Variants in SPNS2 observed in about 807,000 individuals in gnomAD.
SPNS2 encodes SPNS lysolipid transporter 2, sphingosine-1-phosphate, also known as sphingosine-1-phosphate transporter SPNS2.
Under a neutral mutation model 57.6 loss-of-function variants are expected in SPNS2, and 37 were observed. That is an observed-to-expected ratio of 0.64 (90% CI 0.49 to 0.85). The LOEUF (loss-of-function observed/expected upper bound fraction) is 0.85. Ranked by LOEUF, SPNS2 falls within the 40% of genes least tolerant of loss-of-function variation. The probability of loss-of-function intolerance (pLI) is 0.00; values close to 1 mark genes in which losing one functional copy is unlikely to be tolerated. For synonymous variants in SPNS2, 440 were observed against 346.9 expected (o/e 1.27, Z -2.98); for missense variants, 831 against 779.1 (o/e 1.07, Z -0.79).
chr17:4,499,348 C>CG lies in SPNS2; in HGVS notation c.307dup (p.Ala103GlyfsTer48). Reference sequence around the variant, plus strand: ...CAAACCGGCCAGCTTGGGCCGCGGGCGGGGGGCAGCCGCCGCCATCCTCAG... The same window carrying CG: ...CAAACCGGCCAGCTTGGGCCGCGGGCGGGGGGGCAGCCGCCGCCATCCTCAG... On this transcript the variant is annotated frameshift_variant, in exon 1 of 13. Transcript: ENST00000329078. LOFTEE classifies it high-confidence loss of function. This position sits in a 1 kb window ranked among gnomAD's most constrained non-coding sequence, Gnocchi z 5.2. 6 of 1,451,000 alleles carry CG rather than the reference C, an allele frequency of 4.1e-6. No individual in the cohort carries two copies. Among genetic ancestry groups the CG allele is most frequent in the Admixed American group, 2.7e-5 (1 of 36,920 alleles). 89.9% of individuals were successfully genotyped at this position (1,451,000 alleles called of 1,614,324 possible). A position where few individuals can be genotyped will look rare whatever the true frequency, so the allele number is the denominator to read the frequency against.
intron 2 of SPNS2, among the ~76,000 whole-genome samples, chr17:4,516,393 A>G (rs1904996907): frequency 6.6e-6 from 1 of 150,808 alleles, no homozygotes; most frequent in Non-Finnish European, 1.5e-5. Flanking sequence ...AGGAGCCCCC[A>G]TGGCCTACAC....
At chr17:4,515,386 G>A (rs1904958680) in intron 2 of SPNS2, among the ~76,000 whole-genome samples, 1 of 152,182 alleles carries the variant, frequency 6.6e-6, no homozygotes. Context: ...CTGGAATAGG[G>A]ACCTGGGCCT....
At chr17:4,527,494 G>C (rs952573282) in intron 3 of SPNS2, among the ~76,000 whole-genome samples, 25 of 152,176 alleles carry the variant, frequency 1.6e-4, no homozygotes, top group African/African-American at 2.4e-5. Flanking sequence ...CCCGATAGGG[G>C]AAAGTAAAGC....
At chr17:4,500,580 A>AAC (rs10616309) in intron 1 of SPNS2, among the ~76,000 whole-genome samples, 2 of 152,030 alleles carry the variant, frequency 1.3e-5, no homozygotes, top group East Asian at 3.9e-4. Context: ...GGAGCTATCA[A>AAC]ACACACACAC....
chr17:4,536,888 T>G lies in SPNS2; in HGVS notation c.1608-12T>G, dbSNP rs776134859. ...GATGCACCACCCTGACCCCCGCCCG[T>G]CTCTCCCCCAGGGTGAACCAGCTGG... On this transcript the variant is annotated splice_polypyrimidine_tract_variant and intron_variant, in intron 11 of 12. Transcript: ENST00000329078. 18 of 1,612,804 alleles carry G rather than the reference T, an allele frequency of 1.1e-5. No individual in the cohort carries two copies. Among genetic ancestry groups the G allele is most frequent in the Middle Eastern group, 1.7e-4 (1 of 5,776 alleles).
At position 4,533,799 on chromosome 17, in the gene SPNS2, C is replaced by T. The variant is rs762189672; in HGVS notation, c.1290C>T (p.Phe430=). ...SSIVGAYICI[F]VGETLLFSNW... ...CTTCTCCCCGGCAGATCTGTATCTT[C>T]GTCGGGGAGACGCTGCTGTTTTCTA... The change falls in exon 9 of 13, where the codon TTC becomes TTT. Residue 430 remains phenylalanine (F), a synonymous_variant. Coordinates refer to ENST00000329078, the MANE Select transcript of SPNS2 (RefSeq NM_001124758.3). 17 of 1,613,578 alleles carry T rather than the reference C, an allele frequency of 1.1e-5. No homozygotes were observed. The highest frequency in any genetic ancestry group is 1.7e-5 in the Admixed American group (1 of 60,000).
chr17:4,525,013 G>A (rs781624577), intron 2 of SPNS2, 44 bp from the exon 3 acceptor site: 1 of 1,599,644 alleles, frequency 6.3e-7, no homozygotes, highest in East Asian at 2.2e-5. Flanking sequence ...GGAGGCCGGG[G>A]CGCAGGGACC....
Position 4,537,624 on chromosome 17 carries a change from C to T in SPNS2, c.*176C>T, listed in dbSNP as rs777024220. ...CCTGGCATCAAGAAGAGGCTGTGTCCTCAGTTACCCTGGAAGGATGTGTGT... is the reference window on the plus strand; with the variant it reads ...CCTGGCATCAAGAAGAGGCTGTGTCTTCAGTTACCCTGGAAGGATGTGTGT... On this transcript the variant is annotated 3_prime_UTR_variant, in exon 13 of 13. Transcript: ENST00000329078. 2.2e-6 allele frequency: 1 copy of T among 456,778 alleles called. No homozygotes were observed. The highest frequency in any genetic ancestry group is 1.5e-5 in the South Asian group (1 of 64,578). 28.3% of individuals were successfully genotyped at this position (456,778 alleles called of 1,614,324 possible).
At position 4,512,855 on chromosome 17, in the gene SPNS2, C is replaced by T. The variant is rs550492309; in HGVS notation, c.371-392C>T. Among the ~76,000 whole-genome samples, 98 of 152,300 alleles carry T rather than the reference C, an allele frequency of 6.4e-4. No individual in the cohort carries two copies. Among genetic ancestry groups the T allele is most frequent in the Admixed American group, 1.3e-3 (20 of 15,306 alleles). ...GGCTCCCCGCAGCTTTCAGGGCCCC[C>T]GCTGCTCTCTGAGTCATGGGCTTTG... On this transcript the variant is annotated intron_variant, in intron 1 of 12. Transcript: ENST00000329078. The surrounding 1 kb of genome is among the most constrained non-coding windows in gnomAD (Gnocchi z 5.2).
chr17:4,502,272 C>G (rs1226919301), intron 1 of SPNS2, among the ~76,000 whole-genome samples: 1 of 151,534 alleles, frequency 6.6e-6, no homozygotes, highest in Non-Finnish European at 1.5e-5. Context: ...CCCAGCTACT[C>G]GGGAGGCTGA....
intron 1 of SPNS2, among the ~76,000 whole-genome samples, chr17:4,503,554 G>A (rs1428336582): frequency 6.6e-6 from 1 of 152,266 alleles, no homozygotes; most frequent in East Asian, 1.9e-4. Context: ...AGCTGAGGGT[G>A]TAGGTGGCAG....
In SPNS2 at chr17:4,536,419, G is replaced by T. The variant is rs562283566; in HGVS notation, c.1600G>T (p.Glu534Ter). 3 of 1,581,026 alleles carry T rather than the reference G, an allele frequency of 1.9e-6. No homozygotes were observed. The highest frequency in any genetic ancestry group is 2.6e-6 in the Non-Finnish European group (3 of 1,168,174). ...CTTCGTCAGCGACCGCGCCAGGGCT[G>T]AGCAGCAGTGAGTGGGGGGGAGGGG... Reference protein sequence around the residue: ...LFFVSDRARAEQQVNQLAMPP... With the variant: ...LFFVSDRARA The change falls in exon 11 of 13, where the codon GAG becomes TAG. Residue 534 changes from glutamate to a stop codon, truncating the protein, a stop_gained. Transcript: ENST00000329078. LOFTEE classifies it high-confidence loss of function.
intron 1 of SPNS2, among the ~76,000 whole-genome samples, chr17:4,501,469 G>C (rs764305332): frequency 6.6e-6 from 1 of 152,100 alleles, no homozygotes; most frequent in Non-Finnish European, 1.5e-5. Context: ...TAAGAGGGGC[G>C]TGGGGCAGTT....
chr17:4,534,112 TGGCTGGGA>T lies in SPNS2; in HGVS notation c.1344+266_1344+273del, dbSNP rs1183210939. Among the ~76,000 whole-genome samples, 7 of 152,186 alleles carry T rather than the reference TGGCTGGGA, an allele frequency of 4.6e-5. No homozygotes were observed. The East Asian group carries it at 1.4e-3, about 30-fold the overall frequency. ...GGGGGCATCTCGAGGCTCAGGTTAG[TGGCTGGGA>T]GGCTGGCGGTGCCAGGCTGGCACTG... is the stretch of plus-strand genomic sequence containing the variant. On this transcript the variant is annotated intron_variant, in intron 9 of 12. Transcript: ENST00000329078.
chr17:4,537,060 C>T (rs775775202), intron 12 of SPNS2, 114 bp downstream of exon 12: 288 of 1,127,874 alleles, frequency 2.6e-4, no homozygotes, highest in Non-Finnish European at 3.4e-4. Context: ...CACATCCCAC[C>T]AACTCTGGGC....
At chr17:4,519,464 G>A (rs1212566496) in intron 2 of SPNS2, among the ~76,000 whole-genome samples, 3 of 152,148 alleles carry the variant, frequency 2.0e-5, no homozygotes, top group South Asian at 2.1e-4. Flanking sequence ...CCAGCCTGGC[G>A]AGGAGGAGGG....
rs142405118 is a variant in SPNS2, at chr17:4,512,833, TC to T, written c.371-410del. The stretch of plus-strand genomic sequence containing the variant: ...GGCTGCCCCTCCCAGGCCAGAGGGC[TC>T]CCCGCAGCTTTCAGGGCCCCCGCTG... On this transcript the variant is annotated intron_variant, in intron 1 of 12. Coordinates refer to ENST00000329078, the MANE Select transcript of SPNS2 (RefSeq NM_001124758.3). This position sits in a 1 kb window ranked among gnomAD's most constrained non-coding sequence, Gnocchi z 5.2. Among the ~76,000 whole-genome samples the T allele has an allele frequency of 0.19, 29,086 of 152,074 alleles. 3,796 individuals carry two copies. The highest frequency in any genetic ancestry group is 0.29 in the Non-Finnish European group (19,751 of 67,912).
chr17:4,537,207 T>A lies in SPNS2; in HGVS notation c.*5-246T>A, dbSNP rs188052912. ...GCCTCGCATAGATCAGGGCCAGGAC[T>A]GGCCAGGAACTCCTCACTCTGTCCG... On this transcript the variant is annotated intron_variant, in intron 12 of 12. Transcript: ENST00000329078. 2.7e-4 allele frequency among the ~76,000 whole-genome samples: 41 copies of A among 152,340 alleles called. No homozygotes were observed. The East Asian group carries it at 7.3e-3, about 27-fold the overall frequency.
At chr17:4,500,732 C>T (rs1216166824) in intron 1 of SPNS2, among the ~76,000 whole-genome samples, 2 of 152,134 alleles carry the variant, frequency 1.3e-5, no homozygotes, top group East Asian at 1.9e-4. Flanking sequence ...TCAGTCTCCC[C>T]GTCTGTTGAA....
Sources: allele counts gnomAD v4.1 joint callset (sites outside exome capture counted in the v4.1 genomes callset), GRCh38; gene constraint gnomAD v4.1.1; non-coding constraint Gnocchi (gnomAD v3.1); transcripts MANE v1.5; gene names NCBI Gene and HGNC (gene_info 2026-07-23, HGNC 2026-07-21).